The following MADD variants were observed in gnomAD, a reference collection of about 807,000 sequenced individuals.
The protein encoded by MADD is MAP kinase-activating death domain protein.
In MADD, 109 loss-of-function variants were observed where a neutral mutation model predicts 176.7. The ratio of observed to expected loss-of-function variants is 0.62; its 90% CI spans 0.53 to 0.72. The LOEUF is 0.72. MADD is among the 30% of genes least tolerant of loss of function. MADD has a pLI of 0.00. For missense variants in MADD, 1,914 were observed against 2,045.5 expected (o/e 0.94, Z 1.24); for synonymous variants, 771 against 771.3 (o/e 1.00, Z 0.01).
chr11:47,301,019 ACT>A (rs1210630962), intron 22 of MADD, among the ~76,000 whole-genome samples: 2 of 86,432 alleles, frequency 2.3e-5, no homozygotes, highest in African/African-American at 4.5e-5. Context: ...AGGTCTTTTC[ACT>A]CTCTCTCTTT....
intron 22 of MADD, among the ~76,000 whole-genome samples, chr11:47,297,787 TTC>T (rs1243838716): frequency 8.4e-6 from 1 of 118,704 alleles, no homozygotes. Context: ...CTTTCTTTCT[TTC>T]TTTTTTTTTT....
At chr11:47,308,811 A>G (rs912617476) in intron 23 of MADD, 112 bp downstream of exon 25, 6 of 1,025,128 alleles carry the variant, frequency 5.9e-6, no homozygotes, top group African/African-American at 4.8e-5. Context: ...TAATGCTAAC[A>G]TTAGATAGCA....
chr11:47,289,638 C>A, intron 16 of MADD, 145 bp downstream of exon 17: 1 of 832,090 alleles, frequency 1.2e-6, no homozygotes. Flanking sequence ...CTCATTCTGG[C>A]TTGATCTCCA....
chr11:47,327,592 C>T (rs1282911401), intron 31 of MADD: 1 of 985,232 alleles, frequency 1.0e-6, no homozygotes, highest in Non-Finnish European at 1.2e-6. Context: ...CCTTGCCTCC[C>T]CCTTCTCACC....
chr11:47,307,949 G>A (rs191849102), intron 22 of MADD, among the ~76,000 whole-genome samples: 9 of 152,184 alleles, frequency 5.9e-5, no homozygotes, highest in Non-Finnish European at 1.3e-4. Flanking sequence ...GATTACAGGC[G>A]TGAGCCACTG....
chr11:47,277,091 C>T (rs1219823323), intron 5 of MADD, among the ~76,000 whole-genome samples: 1 of 152,212 alleles, frequency 6.6e-6, no homozygotes, highest in Non-Finnish European at 1.5e-5. Context: ...TACACTGCAG[C>T]AGGTGTTACG....
Position 47,328,513 on chromosome 11 carries a change from G to A in MADD, c.4613-145G>A, listed in dbSNP as rs1595764427. 21 of 1,512,622 alleles carry A rather than the reference G, an allele frequency of 1.4e-5. No individual in the cohort carries two copies. In the South Asian group the frequency reaches 2.5e-4, roughly 18 times the overall value. The allele number at this position is 1,512,622 out of a possible 1,614,324, so 93.7% of individuals were successfully genotyped here. ...CAGAGCCTCTGGTGGCCTCTGCCCTGTCATAGCCTAAGCTGCTGCAGCCAC... is the reference window on the plus strand; with the variant it reads ...CAGAGCCTCTGGTGGCCTCTGCCCTATCATAGCCTAAGCTGCTGCAGCCAC... On this transcript the variant is annotated intron_variant, in intron 31 of 32. Coordinates refer to ENST00000402192, the Ensembl canonical transcript of MADD.
rs1055737640 is a variant in MADD at position 47,292,393 on chromosome 11, C to T, written c.3302-1490C>T. On this transcript the variant is annotated intron_variant, in intron 19 of 32. Transcript: ENST00000402192. ...GGGTTAGATCTCTTGTTTTCTGCCCCTTCTCCCCATGAAGATATCTTTGTA... is the reference window on the plus strand; with the variant it reads ...GGGTTAGATCTCTTGTTTTCTGCCCTTTCTCCCCATGAAGATATCTTTGTA... 17 of 720,160 alleles carry T rather than the reference C, an allele frequency of 2.4e-5. No individual in the cohort carries two copies. The African/African-American group carries it at 2.5e-4, about 11-fold the overall frequency. 44.6% of individuals were successfully genotyped at this position (720,160 alleles called of 1,614,324 possible). A position where few individuals can be genotyped will look rare whatever the true frequency, so the allele number is the denominator to read the frequency against.
Position 47,281,561 on chromosome 11 carries a change from T to C in MADD, c.1291-14T>C. On this transcript the variant is annotated splice_polypyrimidine_tract_variant and intron_variant, in intron 7 of 32. Transcript: ENST00000402192. ...GACGTTCCTTGTGTAAGGAATTTTC[T>C]TGTTGTTCCACAGGCCTTGGCCAGC... is the stretch of plus-strand genomic sequence containing the variant. The C allele has an allele frequency of 6.3e-7, 1 of 1,584,218 alleles. No homozygotes were observed. The highest frequency in any genetic ancestry group is 8.6e-7 in the Non-Finnish European group (1 of 1,159,966).
intron 16 of MADD, 129 bp from the exon 18 acceptor site, chr11:47,289,738 G>A (rs2063627624): frequency 3.7e-6 from 4 of 1,078,702 alleles, no homozygotes; most frequent in South Asian, 1.5e-5. Flanking sequence ...TGGGGATGTG[G>A]TGCACTTGGA....
intron 22 of MADD, among the ~76,000 whole-genome samples, chr11:47,303,107 G>A (rs1036894058): frequency 6.6e-6 from 1 of 151,668 alleles, no homozygotes; most frequent in Non-Finnish European, 1.5e-5. Context: ...TAGTATTCTT[G>A]ACTGAGATTC....
At chr11:47,301,052 G>T (rs1430811049) in intron 22 of MADD, among the ~76,000 whole-genome samples, 1 of 146,654 alleles carries the variant, frequency 6.8e-6, no homozygotes. Context: ...GGTTAGTCTA[G>T]CTCTAATGGT....
chr11:47,278,548 T>C (rs1339440990), intron 6 of MADD, among the ~76,000 whole-genome samples: 3 of 152,118 alleles, frequency 2.0e-5, no homozygotes, highest in Non-Finnish European at 4.4e-5. Context: ...GTCAGACAGT[T>C]GTGATCTGAG....
Position 47,284,928 on chromosome 11 carries a change from A to T in MADD, c.2158-13A>T. On this transcript the variant is annotated splice_polypyrimidine_tract_variant and intron_variant, in intron 12 of 32. Transcript: ENST00000402192. ...GCACCAGGTAACCACTTTTAATTTCATGCGGCCTTTAGGAACCTGCTGACT... is the reference window on the plus strand; with the variant it reads ...GCACCAGGTAACCACTTTTAATTTCTTGCGGCCTTTAGGAACCTGCTGACT... 1 of 1,613,112 alleles carries T rather than the reference A, an allele frequency of 6.2e-7. No homozygotes were observed. The highest frequency in any genetic ancestry group is 8.5e-7 in the Non-Finnish European group (1 of 1,179,704).
exon 3 of MADD, chr11:47,274,728 T>A: frequency 6.2e-7 from 1 of 1,614,186 alleles, no homozygotes; most frequent in Non-Finnish European, 8.5e-7. Context: ...ATGATACCTC[T>A]TTTGTCTTCA....
In MADD at chr11:47,282,783, G is replaced by A. The variant is rs922729178; in HGVS notation, c.1706-30G>A. 6 of 1,605,058 alleles carry A rather than the reference G, an allele frequency of 3.7e-6. No homozygotes were observed. In the East Asian group the frequency reaches 6.7e-5, roughly 18 times the overall value. On this transcript the variant is annotated intron_variant, in intron 9 of 32. Coordinates refer to ENST00000402192, the Ensembl canonical transcript of MADD. Reference sequence around the variant, plus strand: ...TGCTTGCCTTTTTTTCCTTGCTGCTGACTTTCTGTTCTTTTCCCTCATGGG... The same window carrying A: ...TGCTTGCCTTTTTTTCCTTGCTGCTAACTTTCTGTTCTTTTCCCTCATGGG...
chr11:47,274,080 C>T, intron 2 of MADD, 104 bp downstream of exon 2: 2 of 1,103,240 alleles, frequency 1.8e-6, no homozygotes, highest in Non-Finnish European at 2.7e-6. Context: ...AGCTCATCTT[C>T]TCCTGTTATT....
chr11:47,303,273 ACT>A (rs1463229960), intron 22 of MADD, among the ~76,000 whole-genome samples: 8 of 120,832 alleles, frequency 6.6e-5, no homozygotes, highest in Non-Finnish European at 1.1e-4. Flanking sequence ...ACGGAGTCTC[ACT>A]CTGTCACCCA....
intron 6 of MADD, 123 bp downstream of exon 6, chr11:47,278,401 C>G: frequency 1.4e-6 from 1 of 715,444 alleles, no homozygotes; most frequent in Non-Finnish European, 2.4e-6. Flanking sequence ...ATTTCTATTG[C>G]GAGACTTACT....
Sources: allele counts gnomAD v4.1 joint callset (sites outside exome capture counted in the v4.1 genomes callset), GRCh38; gene constraint gnomAD v4.1.1; transcripts MANE v1.5; gene names NCBI Gene and HGNC (gene_info 2026-07-23, HGNC 2026-07-21).